ELP4: variants seen among roughly 807,000 people sequenced by gnomAD.
ELP4 encodes elongator complex protein 4.
A neutral mutation model predicts 48.9 loss-of-function variants in ELP4; 51 were observed. That is an observed-to-expected ratio of 1.04 (90% CI 0.83 to 1.32). ELP4 has a LOEUF of 1.32. ELP4 is among the 40% of genes most tolerant of loss of function. ELP4 has a pLI of 0.00. For missense variants in ELP4, 519 were observed against 514.6 expected (o/e 1.01, Z -0.08); for synonymous variants, 210 against 189.2 (o/e 1.11, Z -0.90).
chr11:31,693,624 G>A (rs183024554), intron 9 of ELP4, among the ~76,000 whole-genome samples: 1 of 152,104 alleles, frequency 6.6e-6, no homozygotes, highest in East Asian at 1.9e-4. Flanking sequence ...GTAAACATAC[G>A]TGTGCATGTG....
At chr11:31,521,057 TAA>T (rs1266524340) in intron 2 of ELP4, among the ~76,000 whole-genome samples, 1 of 152,004 alleles carries the variant, frequency 6.6e-6, no homozygotes, top group Non-Finnish European at 1.5e-5. Flanking sequence ...ACCCCTAAGG[TAA>T]CAAAAAAAGT....
chr11:31,735,932 A>G (rs1018838647), intron 9 of ELP4, among the ~76,000 whole-genome samples: 4 of 152,166 alleles, frequency 2.6e-5, no homozygotes, highest in South Asian at 2.1e-4. Context: ...TGCCATCCCC[A>G]TCAAGCTACC....
At chr11:31,751,338 G>A (rs1592280691) in intron 9 of ELP4, among the ~76,000 whole-genome samples, 1 of 152,222 alleles carries the variant, frequency 6.6e-6, no homozygotes, top group East Asian at 1.9e-4. Context: ...AATTTCAAAC[G>A]ATACATACAA....
At chr11:31,585,156 T>G (rs1347562985) in intron 3 of ELP4, among the ~76,000 whole-genome samples, 1 of 152,182 alleles carries the variant, frequency 6.6e-6, no homozygotes, top group Non-Finnish European at 1.5e-5. Context: ...TTCAACCTAA[T>G]GCCATAAATG....
At chr11:31,662,428 G>A (rs1439950116) in intron 9 of ELP4, 2 of 394,120 alleles carry the variant, frequency 5.1e-6, no homozygotes, top group African/African-American at 4.1e-5. Context: ...TATGGCCCAT[G>A]GGCCAAATCC....
In ELP4 at chr11:31,614,231, T is replaced by C. The variant is rs12222392; in HGVS notation, c.653+10324T>C. ...GTTGAGAAATAGCAATGAGTATATCTCATGCTCAGATCTAAATGCCATTCT... is the reference window on the plus strand; with the variant it reads ...GTTGAGAAATAGCAATGAGTATATCCCATGCTCAGATCTAAATGCCATTCT... On this transcript the variant is annotated intron_variant, in intron 5 of 9. Transcript: ENST00000640961. 7.6e-4 allele frequency among the ~76,000 whole-genome samples: 115 copies of C among 152,302 alleles called. 2 individuals are homozygous for C. The East Asian group carries it at 0.021, about 28-fold the overall frequency.
intron 3 of ELP4, among the ~76,000 whole-genome samples, chr11:31,551,898 A>ATTTTAT (rs1246418313): frequency 1.3e-5 from 2 of 152,184 alleles, no homozygotes; most frequent in African/African-American, 4.8e-5. Flanking sequence ...TTTATAAGTA[A>ATTTTAT]GAGATAGGAG....
chr11:31,578,517 C>T (rs1957328428), intron 3 of ELP4, among the ~76,000 whole-genome samples: 1 of 152,282 alleles, frequency 6.6e-6, no homozygotes. Flanking sequence ...CTGCGGGCAT[C>T]GTGCTACCTG....
At chr11:31,600,482 GGTAGATGT>G (rs1957762494) in intron 4 of ELP4, 1 of 152,156 alleles carries the variant, frequency 6.6e-6, no homozygotes, top group South Asian at 2.1e-4. Context: ...GCAGCCCTGT[GGTAGATGT>G]GTATAGGTGT....
At chr11:31,740,829 T>A (rs2134218569) in intron 9 of ELP4, among the ~76,000 whole-genome samples, 1 of 152,048 alleles carries the variant, frequency 6.6e-6, no homozygotes, top group African/African-American at 2.4e-5. Flanking sequence ...AGAAGACGGG[T>A]GATTTCTGCA....
At chr11:31,564,303 C>T (rs1477570332) in intron 3 of ELP4, among the ~76,000 whole-genome samples, 4 of 151,582 alleles carry the variant, frequency 2.6e-5, no homozygotes, top group Non-Finnish European at 5.9e-5. Flanking sequence ...ACTGTAACCA[C>T]TGAAACAGAA....
Position 31,545,594 on chromosome 11 carries a change from G to C in ELP4, c.381+5811G>C, listed in dbSNP as rs545817033. On this transcript the variant is annotated intron_variant, in intron 3 of 9. Transcript: ENST00000640961. ...TATCCTGGAGAACTTCCCCAGTATA[G>C]CAAGGCAGGCCAACATTCAGATTCA... 3.0e-4 allele frequency among the ~76,000 whole-genome samples: 46 copies of C among 152,266 alleles called. No homozygotes were observed. The East Asian group carries it at 8.1e-3, about 27-fold the overall frequency.
At chr11:31,562,355 C>G (rs1957036707) in intron 3 of ELP4, among the ~76,000 whole-genome samples, 1 of 151,916 alleles carries the variant, frequency 6.6e-6, no homozygotes, top group Non-Finnish European at 1.5e-5. Flanking sequence ...TTCATGTTAT[C>G]CTCCTCATTT....
At chr11:31,694,901 T>A (rs192707716) in intron 9 of ELP4, among the ~76,000 whole-genome samples, 1 of 152,282 alleles carries the variant, frequency 6.6e-6, no homozygotes, top group East Asian at 1.9e-4. Flanking sequence ...GATTCCTAGG[T>A]ATTTTATTCT....
rs1401449703 is a variant in ELP4, at chr11:31,786,054, G to A, written c.*2530G>A. On this transcript the variant is annotated 3_prime_UTR_variant, in exon 10 of 10. Transcript: ENST00000640961. ...TACTGCAGTTTGCTCAGGTGCTCGG[G>A]TTCTAAGACTTTTTGAATTTCCTTT... 3 of 204,026 alleles carry A rather than the reference G, an allele frequency of 1.5e-5. No individual in the cohort carries two copies. The Admixed American group carries it at 1.8e-4, about 12-fold the overall frequency. The allele number at this position is 204,026 out of a possible 1,614,324, so 12.6% of individuals were successfully genotyped here.
chr11:31,629,738 C>T (rs866454804), intron 6 of ELP4, among the ~76,000 whole-genome samples: 3 of 150,122 alleles, frequency 2.0e-5, no homozygotes, highest in South Asian at 2.1e-4. Context: ...TCTCCTTTTA[C>T]CTTTGCGTTT....
At chr11:31,755,865 T>TC (rs1472548621) in intron 9 of ELP4, among the ~76,000 whole-genome samples, 1 of 152,160 alleles carries the variant, frequency 6.6e-6, no homozygotes, top group Non-Finnish European at 1.5e-5. Flanking sequence ...CCTCCCTTTT[T>TC]CTCATGCTTC....
chr11:31,587,976 C>G (rs1957506352), intron 3 of ELP4, among the ~76,000 whole-genome samples: 1 of 152,000 alleles, frequency 6.6e-6, no homozygotes, highest in Non-Finnish European at 1.5e-5. Flanking sequence ...CTTTTATTTT[C>G]CTTCCTATTC....
chr11:31,707,620 C>A (rs1357174267), intron 9 of ELP4, among the ~76,000 whole-genome samples: 1 of 151,930 alleles, frequency 6.6e-6, no homozygotes, highest in Non-Finnish European at 1.5e-5. Flanking sequence ...TCTGTTACTG[C>A]TATAAAAAAT....
Sources: gnomAD v4.1 joint callset for allele counts (sites outside exome capture counted in the v4.1 genomes callset) on GRCh38, gnomAD v4.1.1 for gene constraint, MANE v1.5 for transcripts, NCBI Gene and HGNC (gene_info 2026-07-23, HGNC 2026-07-21) for gene names.